The following SPATA17 variants were observed in gnomAD, a reference collection of about 807,000 sequenced individuals.
SPATA17 encodes the protein spermatogenesis-associated protein 17.
SPATA17 carries 53 observed loss-of-function variants against 62.2 expected under a neutral mutation model. That is an observed-to-expected ratio of 0.85 (90% CI 0.68 to 1.07). The LOEUF (loss-of-function observed/expected upper bound fraction) is 1.07, where lower values mean the gene tolerates loss of function less well. Ranked by LOEUF, SPATA17 falls within the 50% of genes least tolerant of loss-of-function variation. The pLI is 0.00. For synonymous variants in SPATA17, 146 were observed against 146.8 expected, an observed-to-expected ratio of 0.99 and a Z score of 0.04; for missense variants, 466 against 425.5, an observed-to-expected ratio of 1.10 and a Z score of -0.84.
intron 1 of SPATA17, among the ~76,000 whole-genome samples, chr1:217,642,128 A>C (rs1466719531): frequency 6.6e-6 from 1 of 152,174 alleles, no homozygotes; most frequent in African/African-American, 2.4e-5. Context: ...ATCCTACCAG[A>C]TACTACCTGA....
intron 9 of SPATA17, among the ~76,000 whole-genome samples, chr1:217,840,851 C>T (rs1487741914): frequency 6.6e-6 from 1 of 151,300 alleles, no homozygotes; most frequent in East Asian, 1.9e-4. Flanking sequence ...ACAGTGAGAC[C>T]CTGTCTCAAA....
intron 5 of SPATA17, among the ~76,000 whole-genome samples, chr1:217,713,825 G>A (rs1671933241): frequency 6.6e-6 from 1 of 152,178 alleles, no homozygotes; most frequent in Non-Finnish European, 1.5e-5. Flanking sequence ...CTCAAGAATA[G>A]TGCTCTTTCC....
At chr1:217,763,612 T>C (rs1673225686) in intron 6 of SPATA17, among the ~76,000 whole-genome samples, 1 of 152,164 alleles carries the variant, frequency 6.6e-6, no homozygotes, top group South Asian at 2.1e-4. Flanking sequence ...AAAATACTTG[T>C]TTTATTTTTA....
chr1:217,782,054 G>C (rs1314709826), intron 7 of SPATA17, 120 bp from the exon 8 acceptor site: 1 of 919,862 alleles, frequency 1.1e-6, no homozygotes, highest in Non-Finnish European at 1.5e-6. Context: ...AGAACAAATG[G>C]TGTTTTAAAA....
In SPATA17 at chr1:217,782,303, CA is replaced by C. The variant is rs764865292; in HGVS notation, c.857del (p.Asn286MetfsTer2). ...REELRREEWL[Q>X]NVNDNMFLPF... ...GGAGCTCAGAAGAGAGGAATGGCTG[CA>C]AAATGTAAATGACAATATGTGAGTT... On this transcript the variant is annotated frameshift_variant, in exon 8 of 11. Coordinates refer to ENST00000366933, the MANE Select transcript of SPATA17 (RefSeq NM_138796.4). LOFTEE classifies it high-confidence loss of function. 1 of 1,609,352 alleles carries C rather than the reference CA, an allele frequency of 6.2e-7. No homozygotes were observed. Among genetic ancestry groups the C allele is most frequent in the South Asian group, 1.1e-5 (1 of 90,354 alleles).
intron 5 of SPATA17, among the ~76,000 whole-genome samples, chr1:217,732,988 C>A (rs1672432738): frequency 6.6e-6 from 1 of 151,526 alleles, no homozygotes; most frequent in Admixed American, 6.6e-5. Flanking sequence ...TCTTTTCAAC[C>A]AAGTTGATTC....
intron 3 of SPATA17, among the ~76,000 whole-genome samples, chr1:217,665,919 G>A (rs1670683939): frequency 6.6e-6 from 1 of 152,174 alleles, no homozygotes; most frequent in Non-Finnish European, 1.5e-5. Flanking sequence ...GGCTGATAAT[G>A]TTCAAATGCT....
intron 5 of SPATA17, among the ~76,000 whole-genome samples, chr1:217,692,636 G>A (rs1458727089): frequency 1.0e-5 from 1 of 98,372 alleles, no homozygotes; most frequent in Non-Finnish European, 2.0e-5. Flanking sequence ...GTTTGTCATA[G>A]ATAGCTCTTA....
intron 4 of SPATA17, among the ~76,000 whole-genome samples, chr1:217,671,545 TAA>T (rs1425327081): frequency 6.6e-6 from 1 of 152,170 alleles, no homozygotes; most frequent in East Asian, 1.9e-4. Flanking sequence ...TCCTTTCCAA[TAA>T]AGTCTCTCCC....
At chr1:217,806,973 A>G (rs1380353997) in intron 9 of SPATA17, among the ~76,000 whole-genome samples, 1 of 152,156 alleles carries the variant, frequency 6.6e-6, no homozygotes, top group Non-Finnish European at 1.5e-5. Context: ...AATAATGTAT[A>G]CTTGTATACA....
At chr1:217,708,525 G>A (rs1558574572) in intron 5 of SPATA17, among the ~76,000 whole-genome samples, 1 of 151,926 alleles carries the variant, frequency 6.6e-6, no homozygotes, top group Non-Finnish European at 1.5e-5. Flanking sequence ...TCCCTGAACA[G>A]ACCAATAATG....
At chr1:217,700,880 A>G (rs1421783730) in intron 5 of SPATA17, among the ~76,000 whole-genome samples, 1 of 149,382 alleles carries the variant, frequency 6.7e-6, no homozygotes, top group Non-Finnish European at 1.5e-5. Flanking sequence ...TGCTGGGATT[A>G]CGGTTATGAG....
At chr1:217,631,686 A>G (rs1029141799) in intron 1 of SPATA17, among the ~76,000 whole-genome samples, 10 of 152,192 alleles carry the variant, frequency 6.6e-5, no homozygotes, top group Admixed American at 4.6e-4. Context: ...CCCAGCATAG[A>G]TAAAATTGTA....
At chr1:217,704,704 A>G (rs987252146) in intron 5 of SPATA17, among the ~76,000 whole-genome samples, 3 of 151,896 alleles carry the variant, frequency 2.0e-5, no homozygotes, top group African/African-American at 7.3e-5. Context: ...CTCCACCTCC[A>G]TCCATGTTGC....
intron 6 of SPATA17, among the ~76,000 whole-genome samples, chr1:217,758,669 A>T (rs1673103808): frequency 6.6e-6 from 1 of 152,186 alleles, no homozygotes; most frequent in Non-Finnish European, 1.5e-5. Flanking sequence ...TTGATGTTAG[A>T]GCCTTGCGTG....
At position 217,801,843 on chromosome 1, in the gene SPATA17, G is replaced by A. The variant is rs148409840; in HGVS notation, c.998G>A (p.Cys333Tyr). 1.0e-4 allele frequency: 166 copies of A among 1,602,226 alleles called. No individual in the cohort carries two copies. In the African/African-American group the frequency reaches 2.2e-3, roughly 21 times the overall value. The change falls in exon 9 of 11, where the codon TGT becomes TAT. Residue 333 changes from cysteine to tyrosine, a missense_variant. Cys to Tyr is a radical substitution (Grantham distance 194). Transcript: ENST00000366933. ...FRSENPKKWI[C>Y]DKDFQTVLPS... The stretch of plus-strand genomic sequence containing the variant: ...AGTGAAAATCCTAAGAAATGGATCT[G>A]TGACAAGGTGAGTTAACAAAACATT...
At chr1:217,804,021 AG>A (rs1674374867) in intron 9 of SPATA17, among the ~76,000 whole-genome samples, 1 of 151,704 alleles carries the variant, frequency 6.6e-6, no homozygotes, top group African/African-American at 2.4e-5. Context: ...GTCTCAAAAG[AG>A]GAAAAAAAAA....
intron 5 of SPATA17, among the ~76,000 whole-genome samples, chr1:217,714,203 C>A (rs568282474): frequency 6.6e-6 from 1 of 152,108 alleles, no homozygotes; most frequent in East Asian, 2.0e-4. Context: ...GACTGGCCAA[C>A]ATGGTGAAAC....
rs1228661988 is a variant in SPATA17 at position 217,774,489 on chromosome 1, T to A, written c.675T>A (p.Ser225=). ...TDWLACTSAR[S]FPRSEILPPI... ...GGCTAGCTTGTACAAGCGCCCGTTC[T>A]TTTCCTCGGTCTGAAATTCTACCAC... The change falls in exon 7 of 11, where the codon TCT becomes TCA. Residue 225 remains serine, a synonymous_variant. Coordinates refer to ENST00000366933, the MANE Select transcript of SPATA17 (RefSeq NM_138796.4). 5.0e-6 allele frequency: 8 copies of A among 1,613,960 alleles called. No individual in the cohort carries two copies. The highest frequency in any genetic ancestry group is 6.8e-6 in the Non-Finnish European group (8 of 1,179,982).
Sources: allele counts gnomAD v4.1 joint callset (sites outside exome capture counted in the v4.1 genomes callset), GRCh38; gene constraint gnomAD v4.1.1; transcripts MANE v1.5; gene names NCBI Gene and HGNC (gene_info 2026-07-23, HGNC 2026-07-21).